The following PHF21A variants were observed in gnomAD, a reference collection of about 807,000 sequenced individuals.
PHF21A encodes PHD finger protein 21A.
PHF21A carries 11 observed loss-of-function variants against 82.5 expected under a neutral mutation model. The ratio of observed to expected loss-of-function variants is 0.13; its 90% CI spans 0.08 to 0.22. The LOEUF (loss-of-function observed/expected upper bound fraction) is 0.22, where lower values mean the gene tolerates loss of function less well. PHF21A is among the 10% of genes least tolerant of loss of function. The pLI is 1.00. For synonymous variants in PHF21A, 297 were observed against 302.8 expected (o/e 0.98, Z 0.20); for missense variants, 579 against 837.8 (o/e 0.69, Z 3.81).
chr11:46,115,686 A>G (rs1318211139), intron 1 of PHF21A, among the ~76,000 whole-genome samples: 2 of 152,188 alleles, frequency 1.3e-5, no homozygotes, highest in Non-Finnish European at 2.9e-5. Flanking sequence ...ATGAAAATTC[A>G]AACATGTTTC....
rs553387238 is a variant in PHF21A at position 46,099,905 on chromosome 11, C to T, written c.-236-7682G>A. 4.6e-5 allele frequency among the ~76,000 whole-genome samples: 7 copies of T among 152,272 alleles called. No individual in the cohort carries two copies. The South Asian group carries it at 8.3e-4, about 18-fold the overall frequency. ...AGAACCCTGACTTTAGGCCTAAAAA[C>T]TAAAAATGGTTCCATACAATTTACA... On this transcript the variant is annotated intron_variant, in intron 1 of 18. Coordinates refer to ENST00000676320, the MANE Select transcript of PHF21A (RefSeq NM_001352027.3).
chr11:46,066,721 T>C (rs1230606467), intron 6 of PHF21A, among the ~76,000 whole-genome samples: 1 of 151,770 alleles, frequency 6.6e-6, no homozygotes, highest in African/African-American at 2.4e-5. Flanking sequence ...ACAAACAAAA[T>C]AAAAATAAAT....
At position 46,114,785 on chromosome 11, in the gene PHF21A, T is replaced by C. The variant is rs989913732; in HGVS notation, c.-237+6150A>G. On this transcript the variant is annotated intron_variant, in intron 1 of 18. Transcript: ENST00000676320. ...GGAGATGCACATGGTTAACAATACT[T>C]GGATCTGCAGCAGAAAAAAAATCAA... Among the ~76,000 whole-genome samples the C allele has an allele frequency of 6.6e-5, 10 of 152,338 alleles. No homozygotes were observed. In the East Asian group the frequency reaches 1.9e-3, roughly 29 times the overall value.
chr11:46,076,736 C>G lies in PHF21A; in HGVS notation c.153+18G>C, dbSNP rs769036880. On this transcript the variant is annotated intron_variant, in intron 6 of 18. Transcript: ENST00000676320. ...GAACACAACGTTAAAAATATGCCCC[C>G]CTCCCCTTTTCCCCTACCTGTTTCT... The G allele has an allele frequency of 6.3e-7, 1 of 1,599,492 alleles. No homozygotes were observed. The highest frequency in any genetic ancestry group is 1.1e-5 in the South Asian group (1 of 89,646).
rs756441738 is a variant in PHF21A, at chr11:45,934,271, A to T, written c.1789-46T>A. Reference sequence around the variant, plus strand: ...AGTGGCACTGAGCCGCCTGGTTTCTAACAGGCCTGGCAGCCCCTAAGAGCA... The same window carrying T: ...AGTGGCACTGAGCCGCCTGGTTTCTTACAGGCCTGGCAGCCCCTAAGAGCA... On this transcript the variant is annotated intron_variant, in intron 18 of 18. Transcript: ENST00000676320. 3 of 1,582,468 alleles carry T rather than the reference A, an allele frequency of 1.9e-6. No homozygotes were observed. In the African/African-American group the frequency reaches 4.0e-5, roughly 21 times the overall value.
At chr11:45,977,187 T>C (rs541504699) in intron 7 of PHF21A, among the ~76,000 whole-genome samples, 1 of 150,062 alleles carries the variant, frequency 6.7e-6, no homozygotes, top group East Asian at 2.0e-4. Context: ...TCGCCCAGCA[T>C]GGAGTGCAGT....
At chr11:46,067,787 C>G (rs1207966847) in intron 6 of PHF21A, among the ~76,000 whole-genome samples, 1 of 152,128 alleles carries the variant, frequency 6.6e-6, no homozygotes, top group African/African-American at 2.4e-5. Context: ...AGACACAGTC[C>G]TTGCCTGTGA....
At chr11:45,946,736 C>T (rs2091357623) in intron 14 of PHF21A, among the ~76,000 whole-genome samples, 1 of 152,158 alleles carries the variant, frequency 6.6e-6, no homozygotes, top group African/African-American at 2.4e-5. Context: ...AATCAGCATT[C>T]TCACAATACT....
intron 6 of PHF21A, among the ~76,000 whole-genome samples, chr11:46,003,354 C>T (rs941660516): frequency 2.9e-4 from 44 of 151,762 alleles, no homozygotes; most frequent in Admixed American, 2.0e-4. Context: ...AGACTCTCTT[C>T]GGTGTTAATA....
chr11:45,995,834 T>C (rs1489174765), intron 6 of PHF21A, among the ~76,000 whole-genome samples: 1 of 152,216 alleles, frequency 6.6e-6, no homozygotes, highest in East Asian at 1.9e-4. Flanking sequence ...AAACAAATGA[T>C]GGGAGCTTAT....
chr11:46,068,336 G>C (rs1302242248), intron 6 of PHF21A, among the ~76,000 whole-genome samples: 1 of 152,084 alleles, frequency 6.6e-6, no homozygotes, highest in Non-Finnish European at 1.5e-5. Flanking sequence ...ACAGATCCTA[G>C]AGAAAAGGGA....
chr11:46,085,246 T>C (rs2096843054), intron 3 of PHF21A, among the ~76,000 whole-genome samples: 1 of 152,210 alleles, frequency 6.6e-6, no homozygotes, highest in African/African-American at 2.4e-5. Flanking sequence ...CGTGTGTAAT[T>C]GAGGTGGTCT....
At chr11:46,073,252 C>T (rs2096676578) in intron 6 of PHF21A, among the ~76,000 whole-genome samples, 1 of 151,330 alleles carries the variant, frequency 6.6e-6, no homozygotes, top group African/African-American at 2.4e-5. Context: ...GGCGTGAACC[C>T]AGGAGGCGGA....
chr11:45,935,717 C>T lies in PHF21A; in HGVS notation c.1707G>A (p.Lys569=). Reference sequence around the variant, plus strand: ...TTAAATCTGAACTCCATTTAAGTAACTTCTGTTTCTCTTCTTCTTTTGCTA... The same window carrying T: ...TTAAATCTGAACTCCATTTAAGTAATTTCTGTTTCTCTTCTTCTTTTGCTA... The part of the protein sequence containing the change: ...YKAAKEEEKQ[K]LLKWSSDLKQ... Residue 569 remains lysine (K), a synonymous_variant, in exon 18 of 19, where the codon AAG becomes AAA. Coordinates refer to ENST00000676320, the MANE Select transcript of PHF21A (RefSeq NM_001352027.3). 1.2e-6 allele frequency: 1 copy of T among 865,356 alleles called. No homozygotes were observed. The highest frequency in any genetic ancestry group is 1.8e-6 in the Non-Finnish European group (1 of 560,002). 53.6% of individuals were successfully genotyped at this position (865,356 alleles called of 1,614,324 possible). A position where few individuals can be genotyped will look rare whatever the true frequency, so the allele number is the denominator to read the frequency against.
chr11:45,931,015 T>G lies in PHF21A; in HGVS notation c.*2953A>C, dbSNP rs1309260162. On this transcript the variant is annotated 3_prime_UTR_variant, in exon 19 of 19. Transcript: ENST00000676320. Reference sequence around the variant, plus strand: ...AGTGTTTTGGAATTTGAGTGCAGAATGTAGGTTTGGGGGCTGGGTTGCATC... The same window carrying G: ...AGTGTTTTGGAATTTGAGTGCAGAAGGTAGGTTTGGGGGCTGGGTTGCATC... 1 of 147,950 alleles carries G rather than the reference T, an allele frequency of 6.8e-6. No homozygotes were observed. Among genetic ancestry groups the G allele is most frequent in the Non-Finnish European group, 1.5e-5 (1 of 67,266 alleles). The allele number at this position is 147,950 out of a possible 1,614,324, so 9.2% of individuals were successfully genotyped here. A position where few individuals can be genotyped will look rare whatever the true frequency, so the allele number is the denominator to read the frequency against.
chr11:46,086,831 A>G (rs1404318891), intron 3 of PHF21A, among the ~76,000 whole-genome samples: 5 of 152,248 alleles, frequency 3.3e-5, no homozygotes, highest in African/African-American at 4.8e-5. Context: ...AAACACAAAG[A>G]ACTTAACATT....
At chr11:45,961,769 C>A (rs1233355793) in intron 10 of PHF21A, among the ~76,000 whole-genome samples, 1 of 152,110 alleles carries the variant, frequency 6.6e-6, no homozygotes, top group Non-Finnish European at 1.5e-5. Context: ...CAGGTGTTAG[C>A]CCCATTTTAG....
At chr11:46,066,273 G>A (rs2096593034) in intron 6 of PHF21A, among the ~76,000 whole-genome samples, 1 of 152,106 alleles carries the variant, frequency 6.6e-6, no homozygotes, top group African/African-American at 2.4e-5. Flanking sequence ...TACTGATATA[G>A]GTATTAGTTA....
chr11:46,120,187 C>CTTTT (rs1175408142), intron 1 of PHF21A, among the ~76,000 whole-genome samples: 3 of 143,314 alleles, frequency 2.1e-5, no homozygotes, highest in Non-Finnish European at 4.6e-5. Context: ...GCAGCCGCAG[C>CTTTT]TTTTTTTTTT....
Sources: gnomAD v4.1 joint callset for allele counts (sites outside exome capture counted in the v4.1 genomes callset) on GRCh38, gnomAD v4.1.1 for gene constraint, MANE v1.5 for transcripts, NCBI Gene and HGNC (gene_info 2026-07-23, HGNC 2026-07-21) for gene names.